The following THSD7B variants were observed in gnomAD, a reference collection of about 807,000 sequenced individuals.
THSD7B encodes the protein thrombospondin type 1 domain containing 7B.
A neutral mutation model predicts 213.6 loss-of-function variants in THSD7B; 138 were observed. That is an observed-to-expected ratio of 0.65 (90% confidence interval 0.56 to 0.74). THSD7B has a LOEUF of 0.74. Ranked by LOEUF, THSD7B falls within the 30% of genes least tolerant of loss-of-function variation. THSD7B has a pLI of 0.00. For missense variants in THSD7B, 1,931 were observed against 1,991.5 expected (o/e 0.97, Z 0.58); for synonymous variants, 742 against 687.0 (o/e 1.08, Z -1.25).
chr2:137,671,207 T>G (rs1441591492), intron 27 of THSD7B, among the ~76,000 whole-genome samples: 1 of 149,994 alleles, frequency 6.7e-6, no homozygotes, highest in Admixed American at 6.8e-5. Flanking sequence ...GGCCATTTTA[T>G]TTGTGTTGTG....
At chr2:136,952,293 T>TTGTTATTTGTC (rs1238178149) in intron 2 of THSD7B, among the ~76,000 whole-genome samples, 5 of 152,174 alleles carry the variant, frequency 3.3e-5, no homozygotes, top group African/African-American at 1.2e-4. Flanking sequence ...GATATAGAAA[T>TTGTTATTTGTC]AACTTAAATT....
chr2:137,362,571 C>A (rs566983007), intron 12 of THSD7B, among the ~76,000 whole-genome samples: 3 of 152,100 alleles, frequency 2.0e-5, no homozygotes, highest in African/African-American at 7.2e-5. Context: ...AAAAAAAAAG[C>A]AGGGGTTGCA....
intron 15 of THSD7B, among the ~76,000 whole-genome samples, chr2:137,483,079 T>A (rs1312916613): frequency 6.6e-6 from 1 of 152,204 alleles, no homozygotes; most frequent in East Asian, 1.9e-4. Context: ...CTCAATAGGA[T>A]GCCTTGGGAC....
intron 7 of THSD7B, among the ~76,000 whole-genome samples, chr2:137,195,295 T>G (rs899039007): frequency 6.6e-6 from 1 of 151,982 alleles, no homozygotes; most frequent in African/African-American, 2.4e-5. Flanking sequence ...TAGACATATA[T>G]CAATTTTTCA....
intron 20 of THSD7B, among the ~76,000 whole-genome samples, chr2:137,626,719 G>A (rs1682638884): frequency 6.6e-6 from 1 of 152,168 alleles, no homozygotes; most frequent in Non-Finnish European, 1.5e-5. Context: ...AGAAGCAGCA[G>A]CAGCCTGAGC....
intron 1 of THSD7B, among the ~76,000 whole-genome samples, chr2:136,800,305 G>T (rs1682153324): frequency 6.6e-6 from 1 of 151,782 alleles, no homozygotes; most frequent in East Asian, 1.9e-4. Context: ...TCCTCCTTTA[G>T]GGAGGTGATT....
At chr2:137,674,499 G>A (rs1320217416) in intron 27 of THSD7B, among the ~76,000 whole-genome samples, 1 of 152,170 alleles carries the variant, frequency 6.6e-6, no homozygotes, top group Admixed American at 6.5e-5. Context: ...ACCTTTAAAT[G>A]CTGTGGAATG....
chr2:136,795,350 C>T (rs1682042546), intron 1 of THSD7B, among the ~76,000 whole-genome samples: 1 of 151,880 alleles, frequency 6.6e-6, no homozygotes, highest in South Asian at 2.1e-4. Context: ...ACGTTGCATC[C>T]ACCTGATGCT....
intron 2 of THSD7B, among the ~76,000 whole-genome samples, chr2:137,028,127 A>T (rs1205225107): frequency 6.6e-6 from 1 of 152,142 alleles, no homozygotes; most frequent in African/African-American, 2.4e-5. Context: ...CATTATTAAG[A>T]TGGTTGTTTT....
At chr2:136,903,620 G>A (rs556180547) in intron 2 of THSD7B, among the ~76,000 whole-genome samples, 12 of 152,112 alleles carry the variant, frequency 7.9e-5, no homozygotes, top group Non-Finnish European at 1.5e-4. Context: ...GAGGCACATG[G>A]CAGGCCAGCA....
chr2:137,620,701 G>C lies in THSD7B; in HGVS notation c.3774G>C (p.Glu1258Asp). 1 of 1,613,876 alleles carries C rather than the reference G, an allele frequency of 6.2e-7. No individual in the cohort carries two copies. The highest frequency in any genetic ancestry group is 8.5e-7 in the Non-Finnish European group (1 of 1,179,768). ...TCTCAGGGTGGACGGCTTGGACAGA[G>C]TGTTCACAGACCTGTGGCCATGGAG... ...CQLSGWTAWTECSQTCGHGGR... is the reference protein window; with the variant it reads ...CQLSGWTAWTDCSQTCGHGGR... The change falls in exon 20 of 28, where the codon GAG becomes GAC. Residue 1258 changes from glutamate to aspartate, a missense_variant. Transcript: ENST00000409968.
intron 2 of THSD7B, among the ~76,000 whole-genome samples, chr2:136,920,200 A>C (rs982382169): frequency 6.6e-6 from 1 of 152,216 alleles, no homozygotes; most frequent in African/African-American, 2.4e-5. Flanking sequence ...AGGTGTGTGG[A>C]CAACTGTAGG....
chr2:137,103,927 A>G lies in THSD7B; in HGVS notation c.1199+8806A>G, dbSNP rs574107847. Among the ~76,000 whole-genome samples, 25 of 152,296 alleles carry G rather than the reference A, an allele frequency of 1.6e-4. No homozygotes were observed. In the South Asian group the frequency reaches 2.1e-3, roughly 13 times the overall value. On this transcript the variant is annotated intron_variant, in intron 4 of 27. Transcript: ENST00000409968. ...TACAAAGAGACTTAGACTCCCACACAATAATAGTGGGAGACTTTAACACTC... is the reference window on the plus strand; with the variant it reads ...TACAAAGAGACTTAGACTCCCACACGATAATAGTGGGAGACTTTAACACTC...
intron 12 of THSD7B, among the ~76,000 whole-genome samples, chr2:137,305,676 C>T (rs1683724164): frequency 6.6e-6 from 1 of 152,146 alleles, no homozygotes; most frequent in Admixed American, 6.6e-5. Context: ...ACCTTCCTTA[C>T]CCCTTTTAAA....
At chr2:136,883,407 A>AT (rs1683659509) in intron 2 of THSD7B, among the ~76,000 whole-genome samples, 1 of 151,428 alleles carries the variant, frequency 6.6e-6, no homozygotes, top group Non-Finnish European at 1.5e-5. Flanking sequence ...TAAAGCCCCT[A>AT]TAAATTAATT....
chr2:136,774,200 C>G (rs572935536), intron 1 of THSD7B, among the ~76,000 whole-genome samples: 43 of 152,114 alleles, frequency 2.8e-4, no homozygotes, highest in African/African-American at 9.9e-4. Context: ...CTAAAAGTAA[C>G]CTTTAACTAA....
chr2:137,080,753 A>G (rs1687732081), intron 3 of THSD7B, among the ~76,000 whole-genome samples: 1 of 151,906 alleles, frequency 6.6e-6, no homozygotes. Context: ...AATCTATTCT[A>G]CTTTTTCATA....
intron 12 of THSD7B, among the ~76,000 whole-genome samples, chr2:137,287,826 T>A (rs1683221214): frequency 1.3e-5 from 2 of 152,114 alleles, no homozygotes; most frequent in Non-Finnish European, 2.9e-5. Flanking sequence ...TTTGTAAAAC[T>A]GGTAGTAAGA....
intron 2 of THSD7B, among the ~76,000 whole-genome samples, chr2:136,892,134 A>G (rs1475943676): frequency 6.6e-6 from 1 of 152,098 alleles, no homozygotes; most frequent in Non-Finnish European, 1.5e-5. Context: ...TTCCACAGAG[A>G]AACAGAGAAG....
Sources: allele counts gnomAD v4.1 joint callset (sites outside exome capture counted in the v4.1 genomes callset), GRCh38; gene constraint gnomAD v4.1.1; transcripts MANE v1.5; gene names NCBI Gene and HGNC (gene_info 2026-07-23, HGNC 2026-07-21).